Variants in MBD5 observed in about 807,000 individuals in gnomAD.
MBD5 encodes the protein methyl-CpG binding domain protein 5, also known as methyl-CpG-binding domain protein 5.
In MBD5, 13 loss-of-function variants were observed where a neutral mutation model predicts 117.3. That is an observed-to-expected ratio of 0.11 (90% CI 0.07 to 0.18). MBD5 has a LOEUF of 0.18. Ranked by LOEUF, MBD5 falls within the 10% of genes least tolerant of loss-of-function variation. The pLI is 1.00. For missense variants in MBD5, 1,879 were observed against 2,093.8 expected (o/e 0.90, Z 2.00); for synonymous variants, 727 against 766.4 (o/e 0.95, Z 0.85).
intron 2 of MBD5, among the ~76,000 whole-genome samples, chr2:148,207,571 A>G (rs1699316768): frequency 6.6e-6 from 1 of 152,042 alleles, no homozygotes; most frequent in Admixed American, 6.6e-5. Flanking sequence ...ATGGTGGAAG[A>G]ATGAGGAAAC....
At chr2:148,283,661 C>T (rs1701302518) in intron 3 of MBD5, among the ~76,000 whole-genome samples, 1 of 152,114 alleles carries the variant, frequency 6.6e-6, no homozygotes, top group African/African-American at 2.4e-5. Context: ...AAGAAATGTG[C>T]TCTCCACTGA....
chr2:148,147,964 G>A (rs1697511547), intron 1 of MBD5, among the ~76,000 whole-genome samples: 1 of 152,110 alleles, frequency 6.6e-6, no homozygotes, highest in Non-Finnish European at 1.5e-5. Flanking sequence ...TAGATTCCCA[G>A]AAATATGTTA....
chr2:148,340,696 G>A (rs993366310), intron 3 of MBD5, among the ~76,000 whole-genome samples: 3 of 151,970 alleles, frequency 2.0e-5, no homozygotes, highest in African/African-American at 7.2e-5. Flanking sequence ...AAGCCAGGTG[G>A]CAATAATATA....
intron 4 of MBD5, among the ~76,000 whole-genome samples, chr2:148,443,161 T>TC (rs758765560): frequency 1.9e-4 from 29 of 151,408 alleles, no homozygotes; most frequent in Non-Finnish European, 4.3e-4. Context: ...ACATCACTGA[T>TC]CATCAGAGAA....
At chr2:148,221,760 A>G (rs1699692718) in intron 2 of MBD5, among the ~76,000 whole-genome samples, 1 of 152,034 alleles carries the variant, frequency 6.6e-6, no homozygotes, top group African/African-American at 2.4e-5. Flanking sequence ...TCTTAAGTTG[A>G]TATGATCCCA....
At chr2:148,447,410 C>G (rs892850768) in intron 4 of MBD5, among the ~76,000 whole-genome samples, 3 of 152,088 alleles carry the variant, frequency 2.0e-5, no homozygotes, top group Non-Finnish European at 2.9e-5. Flanking sequence ...CCTGCACACA[C>G]TGGTAATGCA....
chr2:148,489,390 G>A lies in MBD5; in HGVS notation c.3758G>A (p.Arg1253Lys), dbSNP rs758196921. The A allele has an allele frequency of 3.1e-6, 5 of 1,613,942 alleles. No homozygotes were observed. The East Asian group carries it at 6.7e-5, about 22-fold the overall frequency. The change falls in exon 11 of 14, where the codon AGA becomes AAA. Residue 1253 changes from arginine to lysine, a missense_variant. Around this residue, in one of 4 missense-constraint regions of MBD5, gnomAD observed 1,666 missense variants for 1,792.2 expected, o/e 0.93. Coordinates refer to ENST00000642680, the MANE Select transcript of MBD5 (RefSeq NM_001378120.1). ...MACLFQNFQV[R>K]MQEDAALLNK... ...CTTCCTGTCTATTTCTTCAAGGTGA[G>A]AATGCAGGAAGATGCAGCTCTCCTA...
chr2:148,121,102 T>C (rs2105404729), intron 1 of MBD5, among the ~76,000 whole-genome samples: 1 of 152,334 alleles, frequency 6.6e-6, no homozygotes, highest in Non-Finnish European at 1.5e-5. Context: ...GTCTAGTGCA[T>C]CCGTTTTCTA....
chr2:148,416,897 C>G (rs1705436231), intron 4 of MBD5, among the ~76,000 whole-genome samples: 1 of 152,126 alleles, frequency 6.6e-6, no homozygotes, highest in East Asian at 1.9e-4. Flanking sequence ...TGAGTTACAT[C>G]ACTTAGAATA....
chr2:148,464,231 G>A (rs953084224), intron 7 of MBD5, among the ~76,000 whole-genome samples: 6 of 152,100 alleles, frequency 3.9e-5, no homozygotes, highest in African/African-American at 9.7e-5. Context: ...GGAAATAAAT[G>A]TAGCCTTTTT....
intron 8 of MBD5, chr2:148,471,089 C>T (rs1680782046): frequency 6.6e-6 from 1 of 151,816 alleles, no homozygotes; most frequent in Admixed American, 6.6e-5. Flanking sequence ...TTTAAGCTTT[C>T]TAATAAAAAA....
chr2:148,477,500 A>G (rs1262456783), intron 8 of MBD5, among the ~76,000 whole-genome samples: 1 of 152,198 alleles, frequency 6.6e-6, no homozygotes, highest in Admixed American at 6.5e-5. Flanking sequence ...ATGTTTTTGT[A>G]AATACACATT....
At chr2:148,387,279 A>G (rs537488503) in intron 4 of MBD5, among the ~76,000 whole-genome samples, 4 of 152,288 alleles carry the variant, frequency 2.6e-5, no homozygotes, top group South Asian at 2.1e-4. Context: ...ATTATTTAGC[A>G]TATTAACAGA....
chr2:148,512,986 C>A lies in MBD5; in HGVS notation c.*45C>A. 1 of 1,529,148 alleles carries A rather than the reference C, an allele frequency of 6.5e-7. No individual in the cohort carries two copies. The highest frequency in any genetic ancestry group is 9.1e-7 in the Non-Finnish European group (1 of 1,103,196). 94.7% of individuals were successfully genotyped at this position (1,529,148 alleles called of 1,614,324 possible). On this transcript the variant is annotated 3_prime_UTR_variant, in exon 14 of 14. Transcript: ENST00000642680. The stretch of plus-strand genomic sequence containing the variant: ...GCGCAGTGTTTATTAAAGGAACATG[C>A]ACAGATGTATCTGTATATAGGTATT...
intron 4 of MBD5, among the ~76,000 whole-genome samples, chr2:148,345,432 T>C (rs191686808): frequency 3.1e-5 from 3 of 97,472 alleles, no homozygotes; most frequent in Non-Finnish European, 7.4e-5. Flanking sequence ...TATACACATA[T>C]ACATATGTAT....
chr2:148,052,245 T>C (rs1305231584), intron 1 of MBD5, among the ~76,000 whole-genome samples: 1 of 132,888 alleles, frequency 7.5e-6, no homozygotes, highest in Non-Finnish European at 1.6e-5. Context: ...AGTCTCACTC[T>C]TGTAGCCCAG....
At chr2:148,373,498 A>G (rs1379300635) in intron 4 of MBD5, among the ~76,000 whole-genome samples, 2 of 152,146 alleles carry the variant, frequency 1.3e-5, no homozygotes, top group East Asian at 1.9e-4. Flanking sequence ...TTCACTTATC[A>G]TATATTATAT....
At chr2:148,399,317 CTT>C (rs1704840276) in intron 4 of MBD5, among the ~76,000 whole-genome samples, 1 of 152,288 alleles carries the variant, frequency 6.6e-6, no homozygotes, top group South Asian at 2.1e-4. Flanking sequence ...TTTGTATCCT[CTT>C]TTATTTCCTT....
intron 1 of MBD5, among the ~76,000 whole-genome samples, chr2:148,135,819 G>T (rs1465597187): frequency 6.6e-6 from 1 of 152,076 alleles, no homozygotes; most frequent in Non-Finnish European, 1.5e-5. Flanking sequence ...TGTCTGTTTG[G>T]AAGTCTTCCA....
Sources: allele counts gnomAD v4.1 joint callset (sites outside exome capture counted in the v4.1 genomes callset), GRCh38; gene constraint gnomAD v4.1.1; regional missense constraint gnomAD v4.1.1; transcripts MANE v1.5; gene names NCBI Gene and HGNC (gene_info 2026-07-23, HGNC 2026-07-21).